The following ERBB4 variants were observed in gnomAD, a reference collection of about 807,000 sequenced individuals.
The protein encoded by ERBB4 is receptor tyrosine-protein kinase erbB-4.
A neutral mutation model predicts 158.0 loss-of-function variants in ERBB4; 42 were observed. The observed-to-expected ratio is 0.27, with a 90% CI of 0.21 to 0.34. The LOEUF (loss-of-function observed/expected upper bound fraction) is 0.34, where lower values mean the gene tolerates loss of function less well. Ranked by LOEUF, ERBB4 falls within the 10% of genes least tolerant of loss-of-function variation. The pLI, the probability that ERBB4 is intolerant of heterozygous loss-of-function variation, is 1.00. For missense variants in ERBB4, 1,333 were observed against 1,624.1 expected, an observed-to-expected ratio of 0.82 and a Z score of 3.08; for synonymous variants, 583 against 558.7, an observed-to-expected ratio of 1.04 and a Z score of -0.61.
chr2:212,527,946 A>G (rs1388792872), intron 1 of ERBB4, among the ~76,000 whole-genome samples: 3 of 145,384 alleles, frequency 2.1e-5, no homozygotes, highest in Non-Finnish European at 4.5e-5. Context: ...GAGTGAGAAC[A>G]TGTGGTGTTT....
rs1262562635 is a variant in ERBB4, at chr2:211,612,873, T to TA, written c.2301+6303dup. 1.7e-4 allele frequency among the ~76,000 whole-genome samples: 26 copies of TA among 152,198 alleles called. No homozygotes were observed. In the South Asian group the frequency reaches 2.7e-3, roughly 16 times the overall value. On this transcript the variant is annotated intron_variant, in intron 19 of 27. Coordinates refer to ENST00000342788, the MANE Select transcript of ERBB4 (RefSeq NM_005235.3). The stretch of plus-strand genomic sequence containing the variant: ...GTTTTTGGCATAGAATCAAAGCATT[T>TA]ACTCTCGAATTGGAGGTTGGTTGTT...
At chr2:211,657,579 GAAGT>G (rs2071266059) in intron 16 of ERBB4, 171 bp downstream of exon 16, 2 of 633,656 alleles carry the variant, frequency 3.2e-6, no homozygotes, top group Non-Finnish European at 5.7e-6. Flanking sequence ...GAAGGAAAAA[GAAGT>G]AAGAAAGTTG....
At chr2:212,235,638 A>C (rs2083839072) in intron 1 of ERBB4, among the ~76,000 whole-genome samples, 1 of 152,082 alleles carries the variant, frequency 6.6e-6, no homozygotes, top group Non-Finnish European at 1.5e-5. Context: ...GGCCTTTCTT[A>C]TTTCCTTAAA....
At chr2:211,644,470 C>T (rs964871581) in intron 16 of ERBB4, among the ~76,000 whole-genome samples, 7 of 151,772 alleles carry the variant, frequency 4.6e-5, no homozygotes, top group African/African-American at 1.2e-4. Flanking sequence ...AAAAATCGAA[C>T]CTAAGCATTT....
intron 17 of ERBB4, among the ~76,000 whole-genome samples, chr2:211,625,844 T>C (rs1245130791): frequency 2.6e-5 from 4 of 152,186 alleles, no homozygotes; most frequent in Admixed American, 2.6e-4. Context: ...ATACATAAAA[T>C]ATACATTGTG....
chr2:212,109,110 G>A (rs1388847788), intron 2 of ERBB4, among the ~76,000 whole-genome samples: 1 of 152,174 alleles, frequency 6.6e-6, no homozygotes, highest in African/African-American at 2.4e-5. Flanking sequence ...AACACTCAGG[G>A]AGGGGAAGAA....
At chr2:212,262,283 A>G (rs1309619957) in intron 1 of ERBB4, among the ~76,000 whole-genome samples, 3 of 152,146 alleles carry the variant, frequency 2.0e-5, no homozygotes, top group African/African-American at 7.2e-5. Flanking sequence ...AGAAACATTC[A>G]TCAGGTTTAT....
Position 212,440,121 on chromosome 2 carries a change from G to T in ERBB4, c.82+98328C>A, listed in dbSNP as rs541445250. Among the ~76,000 whole-genome samples, 4 of 152,326 alleles carry T rather than the reference G, an allele frequency of 2.6e-5. No individual in the cohort carries two copies. The South Asian group carries it at 8.3e-4, about 32-fold the overall frequency. ...AAAAGTAGATGTCCTTAATTAGCCAGGTGTGATACTTAATACTGAGTGTCA... is the reference window on the plus strand; with the variant it reads ...AAAAGTAGATGTCCTTAATTAGCCATGTGTGATACTTAATACTGAGTGTCA... On this transcript the variant is annotated intron_variant, in intron 1 of 27. Coordinates refer to ENST00000342788, the MANE Select transcript of ERBB4 (RefSeq NM_005235.3).
chr2:211,984,431 A>G (rs1489540301), intron 2 of ERBB4, among the ~76,000 whole-genome samples: 1 of 152,202 alleles, frequency 6.6e-6, no homozygotes, highest in African/African-American at 2.4e-5. Flanking sequence ...AATTTACAGT[A>G]TTATAATAAG....
intron 1 of ERBB4, among the ~76,000 whole-genome samples, chr2:212,154,880 C>T (rs2080986028): frequency 6.6e-6 from 1 of 152,058 alleles, no homozygotes; most frequent in Non-Finnish European, 1.5e-5. Context: ...AAAACACAGC[C>T]TGATAGGAAT....
At chr2:212,328,632 A>G (rs1408172073) in intron 1 of ERBB4, among the ~76,000 whole-genome samples, 1 of 152,026 alleles carries the variant, frequency 6.6e-6, no homozygotes, top group Non-Finnish European at 1.5e-5. Flanking sequence ...AACACTGAGG[A>G]TTTCTTATAC....
At chr2:211,577,055 G>C (rs147703068) in intron 19 of ERBB4, among the ~76,000 whole-genome samples, 1 of 152,164 alleles carries the variant, frequency 6.6e-6, no homozygotes, top group East Asian at 1.9e-4. Flanking sequence ...GATATATAAT[G>C]GGAACTATAA....
intron 12 of ERBB4, among the ~76,000 whole-genome samples, chr2:211,690,553 C>T (rs554855493): frequency 3.5e-4 from 53 of 152,228 alleles, no homozygotes; most frequent in African/African-American, 1.2e-3. Flanking sequence ...AAACAGGAAA[C>T]CGTCATAACT....
chr2:212,376,127 A>T (rs2090312324), intron 1 of ERBB4, among the ~76,000 whole-genome samples: 1 of 152,128 alleles, frequency 6.6e-6, no homozygotes. Flanking sequence ...TGACCAAAAA[A>T]TTAAAGTGGA....
chr2:212,105,374 T>C (rs538279790), intron 2 of ERBB4, among the ~76,000 whole-genome samples: 118 of 152,318 alleles, frequency 7.7e-4, no homozygotes, highest in Non-Finnish European at 1.3e-3. Flanking sequence ...CTTTTCCTTA[T>C]GATTATATAA....
intron 5 of ERBB4, among the ~76,000 whole-genome samples, chr2:211,729,721 A>G (rs2074372950): frequency 2.0e-5 from 3 of 151,910 alleles, no homozygotes; most frequent in Admixed American, 2.0e-4. Flanking sequence ...ATAATTCCTG[A>G]AATCAATGAG....
chr2:212,425,410 G>GAACATATATGTATA (rs1368213355), intron 1 of ERBB4, among the ~76,000 whole-genome samples: 2 of 147,704 alleles, frequency 1.4e-5, no homozygotes, highest in African/African-American at 5.0e-5. Flanking sequence ...ACATATATAT[G>GAACATATATGTATA]TATATACACA....
chr2:212,457,455 C>A (rs1688353388), intron 1 of ERBB4, among the ~76,000 whole-genome samples: 2 of 151,954 alleles, frequency 1.3e-5, no homozygotes, highest in Admixed American at 6.6e-5. Context: ...CACAGAGTAT[C>A]CTCTCAGAAA....
rs557479945 is a variant in ERBB4 at position 211,455,143 on chromosome 2, C to T, written c.2488-24043G>A. Among the ~76,000 whole-genome samples the T allele has an allele frequency of 5.9e-5, 9 of 152,342 alleles. No homozygotes were observed. In the South Asian group the frequency reaches 1.9e-3, roughly 32 times the overall value. The stretch of plus-strand genomic sequence containing the variant: ...TTAGCACAGTAGAACAGAAATTACT[C>T]TGTTTTAATATGATCATCTATTTCA... On this transcript the variant is annotated intron_variant, in intron 20 of 27. Coordinates refer to ENST00000342788, the MANE Select transcript of ERBB4 (RefSeq NM_005235.3).
Sources: gnomAD v4.1 joint callset for allele counts (sites outside exome capture counted in the v4.1 genomes callset) on GRCh38, gnomAD v4.1.1 for gene constraint, MANE v1.5 for transcripts, NCBI Gene and HGNC (gene_info 2026-07-23, HGNC 2026-07-21) for gene names.